EXOC4: variants seen among roughly 807,000 people sequenced by gnomAD.
EXOC4 encodes exocyst complex component 4.
A neutral mutation model predicts 107.2 loss-of-function variants in EXOC4; 71 were observed. The observed-to-expected ratio is 0.66, with a 90% CI of 0.55 to 0.81. The LOEUF (loss-of-function observed/expected upper bound fraction) is 0.81, where lower values mean the gene tolerates loss of function less well. Among genes scored for constraint, EXOC4 ranks in the 30% least tolerant of loss-of-function variants. The pLI, the probability that EXOC4 is intolerant of heterozygous loss-of-function variation, is 0.00. For missense variants in EXOC4, 1,108 were observed against 1,189.6 expected (o/e 0.93, Z 1.01); for synonymous variants, 456 against 441.2 (o/e 1.03, Z -0.42).
intron 7 of EXOC4, among the ~76,000 whole-genome samples, chr7:133,462,004 C>T (rs533090958): frequency 1.6e-4 from 24 of 152,244 alleles, no homozygotes; most frequent in African/African-American, 3.4e-4. Flanking sequence ...AGACAGGCAT[C>T]ATGGCTTTTT....
rs755394018 is a variant in EXOC4, at chr7:134,064,417, G to A, written c.2814G>A (p.Gly938=). Residue 938 remains glycine (G), a synonymous_variant, in exon 18 of 18, where the codon GGG becomes GGA. Coordinates refer to ENST00000253861, the MANE Select transcript of EXOC4 (RefSeq NM_021807.4). ...ALTLLHRSQT[G]VGELTTQNTR... ...CCCTGCTGCACCGCAGCCAGACTGG[G>A]GTGGGGGAACTGACCACCCAGAACA... The A allele has an allele frequency of 6.2e-7, 1 of 1,607,486 alleles. No individual in the cohort carries two copies. Among genetic ancestry groups the A allele is most frequent in the African/African-American group, 1.3e-5 (1 of 74,678 alleles).
intron 9 of EXOC4, chr7:133,576,638 G>T (rs1403307532): frequency 7.8e-7 from 1 of 1,289,588 alleles, no homozygotes; most frequent in African/African-American, 1.5e-5. Context: ...TGCTAAATGT[G>T]ATCTCACTCA....
At chr7:133,962,819 C>T (rs1285516209) in intron 14 of EXOC4, among the ~76,000 whole-genome samples, 1 of 152,186 alleles carries the variant, frequency 6.6e-6, no homozygotes, top group Non-Finnish European at 1.5e-5. Flanking sequence ...GTCTCATATT[C>T]TACAGATGGG....
At chr7:133,646,146 GT>G (rs1802986526) in intron 10 of EXOC4, among the ~76,000 whole-genome samples, 1 of 152,184 alleles carries the variant, frequency 6.6e-6, no homozygotes, top group Non-Finnish European at 1.5e-5. Flanking sequence ...CAGGTTTGGA[GT>G]TTGCAAACAT....
At chr7:133,581,704 G>C (rs1477989721) in intron 9 of EXOC4, among the ~76,000 whole-genome samples, 1 of 144,016 alleles carries the variant, frequency 6.9e-6, no homozygotes, top group Non-Finnish European at 1.5e-5. Context: ...CTTGCAGTGA[G>C]CCGGGATAGC....
chr7:133,501,049 A>ATG (rs1295147239), intron 9 of EXOC4, among the ~76,000 whole-genome samples: 3 of 152,222 alleles, frequency 2.0e-5, no homozygotes, highest in Non-Finnish European at 4.4e-5. Context: ...CTGGAAAGCC[A>ATG]TACATGTATG....
chr7:133,895,693 T>C lies in EXOC4; in HGVS notation c.1829T>C (p.Val610Ala), dbSNP rs981947418. Residue 610 changes from valine to alanine, a missense_variant, in exon 12 of 18, where the codon GTG (valine) becomes GCG (alanine). Coordinates refer to ENST00000253861, the MANE Select transcript of EXOC4 (RefSeq NM_021807.4). Reference protein sequence around the residue: ...YSDQFLNMVCVKLQEYKDTCT... With the variant: ...YSDQFLNMVCAKLQEYKDTCT... ...GATCAATTCCTCAACATGGTGTGCG[T>C]GAAGCTCCAGGAGTACAAGGACACC... The C allele has an allele frequency of 6.2e-7, 1 of 1,614,204 alleles. No individual in the cohort carries two copies. The highest frequency in any genetic ancestry group is 1.3e-5 in the African/African-American group (1 of 75,068).
At chr7:133,425,362 A>T (rs1248342933) in intron 7 of EXOC4, among the ~76,000 whole-genome samples, 1 of 152,136 alleles carries the variant, frequency 6.6e-6, no homozygotes, top group African/African-American at 2.4e-5. Flanking sequence ...ATCTTGGCTC[A>T]CTGCAACCTC....
intron 9 of EXOC4, among the ~76,000 whole-genome samples, chr7:133,537,305 C>CCA (rs1554469188): frequency 1.4e-5 from 2 of 146,822 alleles, no homozygotes; most frequent in African/African-American, 5.3e-5. Flanking sequence ...CACCCCCCCC[C>CCA]CCACCACACC....
rs550378928 is a variant in EXOC4, at chr7:133,813,707, C to T, written c.1515-3618C>T. On this transcript the variant is annotated intron_variant, in intron 10 of 17. Transcript: ENST00000253861. Reference sequence around the variant, plus strand: ...AGATCCATTATATTTTGGTTTTGGTCCTATTTTATTTTTCTTTCACATTGA... The same window carrying T: ...AGATCCATTATATTTTGGTTTTGGTTCTATTTTATTTTTCTTTCACATTGA... 2.8e-4 allele frequency among the ~76,000 whole-genome samples: 43 copies of T among 152,110 alleles called. No homozygotes were observed. The East Asian group carries it at 3.5e-3, about 12-fold the overall frequency.
chr7:133,504,237 G>A (rs1474158736), intron 9 of EXOC4, among the ~76,000 whole-genome samples: 2 of 152,060 alleles, frequency 1.3e-5, no homozygotes, highest in Non-Finnish European at 2.9e-5. Context: ...AGGCAGAAAA[G>A]TTGAATTTAT....
At chr7:133,905,955 A>C (rs1051110500) in intron 12 of EXOC4, among the ~76,000 whole-genome samples, 1 of 152,174 alleles carries the variant, frequency 6.6e-6, no homozygotes, top group Non-Finnish European at 1.5e-5. Context: ...CAGGACGAGC[A>C]AGCAGTGGAG....
intron 9 of EXOC4, among the ~76,000 whole-genome samples, chr7:133,598,055 A>G (rs945974771): frequency 2.0e-5 from 3 of 152,124 alleles, no homozygotes; most frequent in Admixed American, 1.3e-4. Flanking sequence ...AAAAACCTCA[A>G]TTACTTTTTG....
intron 13 of EXOC4, among the ~76,000 whole-genome samples, chr7:133,918,422 A>G (rs1799860526): frequency 6.6e-6 from 1 of 152,158 alleles, no homozygotes; most frequent in Admixed American, 6.5e-5. Context: ...ATTTCTGTCC[A>G]TACAGAATAT....
intron 12 of EXOC4, among the ~76,000 whole-genome samples, chr7:133,898,209 A>G (rs1799365504): frequency 6.6e-6 from 1 of 152,106 alleles, no homozygotes; most frequent in South Asian, 2.1e-4. Context: ...TGTTGCATCT[A>G]TTTAAATGCA....
the EXOC4 span, among the ~76,000 whole-genome samples, chr7:134,081,653 T>C: frequency 6.6e-6 from 1 of 152,214 alleles, no homozygotes; most frequent in Admixed American, 6.5e-5. Flanking sequence ...GACGTGATCA[T>C]TGGTTGAATG....
chr7:133,538,882 A>AGAGAGAGG (rs1357203821), intron 9 of EXOC4, among the ~76,000 whole-genome samples: 2 of 59,946 alleles, frequency 3.3e-5, no homozygotes, highest in Non-Finnish European at 6.3e-5. Context: ...AGAGAGAGAG[A>AGAGAGAGG]GGGAGGGAGG....
intron 7 of EXOC4, among the ~76,000 whole-genome samples, chr7:133,406,274 C>T (rs1797217290): frequency 6.6e-6 from 1 of 152,164 alleles, no homozygotes; most frequent in Non-Finnish European, 1.5e-5. Context: ...CACCATACTG[C>T]ACTACATCCA....
intron 2 of EXOC4, among the ~76,000 whole-genome samples, chr7:133,283,532 T>C (rs1794206851): frequency 6.6e-6 from 1 of 152,238 alleles, no homozygotes; most frequent in South Asian, 2.1e-4. Context: ...ATATAGACCC[T>C]GTAGTGAGAT....
Sources: gnomAD v4.1 joint callset for allele counts (sites outside exome capture counted in the v4.1 genomes callset) on GRCh38, gnomAD v4.1.1 for gene constraint, MANE v1.5 for transcripts, NCBI Gene and HGNC (gene_info 2026-07-23, HGNC 2026-07-21) for gene names.